RAB3IL1: variants seen among roughly 807,000 people sequenced by gnomAD.
The protein encoded by RAB3IL1 is guanine nucleotide exchange factor for Rab-3A.
A neutral mutation model predicts 49.2 loss-of-function variants in RAB3IL1; 37 were observed. The ratio of observed to expected loss-of-function variants is 0.75; its 90% CI spans 0.58 to 0.99. The LOEUF (loss-of-function observed/expected upper bound fraction) is 0.99, where lower values mean the gene tolerates loss of function less well. Among genes scored for constraint, RAB3IL1 ranks in the 50% least tolerant of loss-of-function variants. The pLI is 0.00. For synonymous variants in RAB3IL1, 193 were observed against 213.9 expected, an observed-to-expected ratio of 0.90 and a Z score of 0.85; for missense variants, 484 against 513.0, an observed-to-expected ratio of 0.94 and a Z score of 0.55.
At chr11:61,914,667 G>A (rs990641785) in intron 1 of RAB3IL1, among the ~76,000 whole-genome samples, 5 of 150,386 alleles carry the variant, frequency 3.3e-5, no homozygotes, top group Non-Finnish European at 5.9e-5. Flanking sequence ...CCCAGGCTGT[G>A]GCAGAGTCCA....
rs745884205 is a variant in RAB3IL1, at chr11:61,898,936, G to A, written c.1066+378C>T. ...AGCCAGGCCTTGCAGAATGGGCTGTGGGGGGAGGGGGTGGAGGGAGGCCCT... is the reference window on the plus strand; with the variant it reads ...AGCCAGGCCTTGCAGAATGGGCTGTAGGGGGAGGGGGTGGAGGGAGGCCCT... On this transcript the variant is annotated intron_variant, in intron 9 of 9. Coordinates refer to ENST00000394836, the MANE Select transcript of RAB3IL1 (RefSeq NM_013401.4). The surrounding 1 kb of genome is among the most constrained non-coding windows in gnomAD (Gnocchi z 5.1). 2 of 487,612 alleles carry A rather than the reference G, an allele frequency of 4.1e-6. No individual in the cohort carries two copies. The highest frequency in any genetic ancestry group is 8.1e-6 in the Non-Finnish European group (2 of 248,390). The allele number at this position is 487,612 out of a possible 1,614,324, so 30.2% of individuals were successfully genotyped here.
At chr11:61,900,966 G>T (rs2136020401) in intron 8 of RAB3IL1, among the ~76,000 whole-genome samples, 1 of 151,910 alleles carries the variant, frequency 6.6e-6, no homozygotes, top group African/African-American at 2.4e-5. Flanking sequence ...GGCTGCAGTG[G>T]ACTCAGAGCC....
At chr11:61,923,990 GC>G (rs1441728080), upstream of RAB3IL1, among the ~76,000 whole-genome samples, 2 of 152,072 alleles carry the variant, frequency 1.3e-5, no homozygotes, top group African/African-American at 4.8e-5. Flanking sequence ...TGTGGAGGCG[GC>G]CGAATGGGGT....
At chr11:61,946,133 T>C in the RAB3IL1 span, among the ~76,000 whole-genome samples, 1 of 152,154 alleles carries the variant, frequency 6.6e-6, no homozygotes, top group Non-Finnish European at 1.5e-5. Context: ...CCTCCTTTTC[T>C]TTCTTGGCCT....
At chr11:61,910,163 C>T (rs929450701) in intron 1 of RAB3IL1, among the ~76,000 whole-genome samples, 1 of 152,164 alleles carries the variant, frequency 6.6e-6, no homozygotes, top group Admixed American at 6.5e-5. Flanking sequence ...GACAGGTGGC[C>T]AGGTCTTCAA....
chr11:61,899,606 G>T (rs1008673330), intron 8 of RAB3IL1: 2 of 564,718 alleles, frequency 3.5e-6, no homozygotes, highest in Non-Finnish European at 6.4e-6. Context: ...CGCCTGCAGC[G>T]AACGGAGCAG....
chr11:61,938,213 C>T, the RAB3IL1 span, among the ~76,000 whole-genome samples: 131 of 152,044 alleles, frequency 8.6e-4, no homozygotes, highest in African/African-American at 2.9e-3. Context: ...GCTTGGGCAA[C>T]GAAGTTATGC....
chr11:61,899,605 C>T (rs946091776), intron 8 of RAB3IL1: 20 of 564,508 alleles, frequency 3.5e-5, no homozygotes, highest in African/African-American at 2.4e-4. Flanking sequence ...GCGCCTGCAG[C>T]GAACGGAGCA....
the RAB3IL1 span, among the ~76,000 whole-genome samples, chr11:61,935,309 A>G: frequency 1.3e-5 from 2 of 151,644 alleles, no homozygotes; most frequent in African/African-American, 2.4e-5. Flanking sequence ...GATCCCAGCT[A>G]CTTGGGAGGC....
the RAB3IL1 span, among the ~76,000 whole-genome samples, chr11:61,943,236 G>A: frequency 0.073 from 11,068 of 152,156 alleles, 1,372 homozygotes; most frequent in African/African-American, 0.25. Context: ...CAAGTCAATA[G>A]GAAAGAATAT....
chr11:61,905,148 C>T (rs927328659), intron 5 of RAB3IL1, among the ~76,000 whole-genome samples: 4 of 152,172 alleles, frequency 2.6e-5, no homozygotes, highest in African/African-American at 9.7e-5. Context: ...GAGTGGGGTG[C>T]AGGGCTTTGT....
At position 61,898,196 on chromosome 11, in the gene RAB3IL1, C is replaced by T. The variant is rs1179978857; in HGVS notation, c.*82G>A. On this transcript the variant is annotated 3_prime_UTR_variant, in exon 10 of 10. Coordinates refer to ENST00000394836, the MANE Select transcript of RAB3IL1 (RefSeq NM_013401.4). The surrounding 1 kb of genome is among the most constrained non-coding windows in gnomAD (Gnocchi z 5.1). ...CCTCTGGCTCAGGGCTGGCTCCAGG[C>T]CCCCGTCTCCCTGTGTGTCGGCTTG... 21 of 1,337,874 alleles carry T rather than the reference C, an allele frequency of 1.6e-5. No individual in the cohort carries two copies. The highest frequency in any genetic ancestry group is 1.9e-5 in the Non-Finnish European group (18 of 951,256). The allele number at this position is 1,337,874 out of a possible 1,614,324, so 82.9% of individuals were successfully genotyped here. A position where few individuals can be genotyped will look rare whatever the true frequency, so the allele number is the denominator to read the frequency against.
At chr11:61,926,781 C>T in the RAB3IL1 span, among the ~76,000 whole-genome samples, 1 of 152,180 alleles carries the variant, frequency 6.6e-6, no homozygotes, top group African/African-American at 2.4e-5. Flanking sequence ...TCTCAAACTC[C>T]TGACCCTGTG....
upstream of RAB3IL1, among the ~76,000 whole-genome samples, chr11:61,921,451 CT>C (rs749549968): frequency 6.6e-6 from 1 of 152,228 alleles, no homozygotes; most frequent in Non-Finnish European, 1.5e-5. Context: ...ACTATCCCCC[CT>C]GACTGCTATC....
rs1341910867 is a variant in RAB3IL1 at position 61,898,380 on chromosome 11, G to A, written c.1067-20C>T. 1.9e-6 allele frequency: 3 copies of A among 1,610,390 alleles called. No homozygotes were observed. The highest frequency in any genetic ancestry group is 1.7e-5 in the Admixed American group (1 of 60,006). On this transcript the variant is annotated intron_variant, in intron 9 of 9. Transcript: ENST00000394836. This position sits in a 1 kb window ranked among gnomAD's most constrained non-coding sequence, Gnocchi z 5.1. Reference sequence around the variant, plus strand: ...GCTCTGCTGCAGGCAGAGAGAGGGTGAACAGGTCGGGGACAGCTCAGGGTC... The same window carrying A: ...GCTCTGCTGCAGGCAGAGAGAGGGTAAACAGGTCGGGGACAGCTCAGGGTC...
Position 61,906,646 on chromosome 11 carries a change from C to A in RAB3IL1, c.477G>T (p.Thr159=), listed in dbSNP as rs174476. 3.7e-6 allele frequency: 6 copies of A among 1,609,736 alleles called. No individual in the cohort carries two copies. In the East Asian group the frequency reaches 8.9e-5, roughly 24 times the overall value. ...AGGCTGGTGTGGACGTGATGACCAG[C>A]GTCTTCAAGGCTGTCACCTCTGCCT... is the stretch of plus-strand genomic sequence containing the variant. ...MLQAEVTALK[T]LVITSTPASP... Residue 159 remains threonine (T), a synonymous_variant, in exon 5 of 10, where the codon ACG becomes ACT. Coordinates refer to ENST00000394836, the MANE Select transcript of RAB3IL1 (RefSeq NM_013401.4). The surrounding 1 kb of genome is among the most constrained non-coding windows in gnomAD (Gnocchi z 4.6).
rs1465056221 is a variant in RAB3IL1, at chr11:61,917,410, C to T, written c.-43G>A. The T allele has an allele frequency of 4.9e-6, 6 of 1,218,562 alleles. No individual in the cohort carries two copies. Among genetic ancestry groups the T allele is most frequent in the Non-Finnish European group, 6.1e-6 (6 of 981,682 alleles). 75.5% of individuals were successfully genotyped at this position (1,218,562 alleles called of 1,614,324 possible). ...CCCAGGCGTCCGTTCCCAGCGCCGCCGCGTCCTCCCAGCGCCGCGTCCCCG... is the reference window on the plus strand; with the variant it reads ...CCCAGGCGTCCGTTCCCAGCGCCGCTGCGTCCTCCCAGCGCCGCGTCCCCG... On this transcript the variant is annotated 5_prime_UTR_variant, in exon 1 of 10. Coordinates refer to ENST00000394836, the MANE Select transcript of RAB3IL1 (RefSeq NM_013401.4).
the RAB3IL1 span, among the ~76,000 whole-genome samples, chr11:61,932,250 C>CA: frequency 2.9e-3 from 342 of 116,944 alleles, 3 homozygotes; most frequent in Middle Eastern, 0.017. Context: ...GACTCTGTCT[C>CA]AAAAAAAAAA....
At chr11:61,903,187 C>T (rs1362840663) in intron 7 of RAB3IL1, among the ~76,000 whole-genome samples, 2 of 151,940 alleles carry the variant, frequency 1.3e-5, no homozygotes, top group Non-Finnish European at 2.9e-5. Flanking sequence ...ATCTGCTCGG[C>T]TCTCTCCTCC....
Sources: gnomAD v4.1 joint callset for allele counts (sites outside exome capture counted in the v4.1 genomes callset) on GRCh38, gnomAD v4.1.1 for gene constraint, Gnocchi (gnomAD v3.1) non-coding constraint, MANE v1.5 for transcripts, NCBI Gene and HGNC (gene_info 2026-07-23, HGNC 2026-07-21) for gene names.